ANKRD11: variants seen among roughly 807,000 people sequenced by gnomAD.
The protein encoded by ANKRD11 is ankyrin repeat domain-containing protein 11.
A neutral mutation model predicts 195.7 loss-of-function variants in ANKRD11; 17 were observed. That is an observed-to-expected ratio of 0.09 (90% CI 0.06 to 0.13). ANKRD11 has a LOEUF of 0.13. Ranked by LOEUF, ANKRD11 falls within the 10% of genes least tolerant of loss-of-function variation. The pLI is 1.00. For synonymous variants in ANKRD11, 1,953 were observed against 1,528.1 expected (o/e 1.28, Z -6.49); for missense variants, 3,735 against 3,566.1 (o/e 1.05, Z -1.21).
chr16:89,479,540 C>A (rs1385884596), intron 1 of ANKRD11, among the ~76,000 whole-genome samples: 3 of 151,968 alleles, frequency 2.0e-5, no homozygotes, highest in African/African-American at 7.3e-5. Context: ...GAGGCTGAGG[C>A]AAGAGAATCA....
At chr16:89,382,161 A>G (rs570398585) in intron 2 of ANKRD11, among the ~76,000 whole-genome samples, 50 of 152,036 alleles carry the variant, frequency 3.3e-4, no homozygotes, top group Non-Finnish European at 6.3e-4. Context: ...GTCTGCTCCC[A>G]CCCATCTCCT....
At position 89,284,269 on chromosome 16, in the gene ANKRD11, A is replaced by G. The variant is rs1332629691; in HGVS notation, c.2273T>C (p.Leu758Pro). ...LKEKSPKEEK[L>P]RLYKEERKKK... ...CTTTCTCTCCTCTTTGTACAGTCTCAGTTTTTCTTCTTTCGGAGACTTTTC... is the reference window on the plus strand; with the variant it reads ...CTTTCTCTCCTCTTTGTACAGTCTCGGTTTTTCTTCTTTCGGAGACTTTTC... The change falls in exon 9 of 13, where the codon CTG (leucine) becomes CCG (proline). Residue 758 changes from leucine to proline, a missense_variant. By Grantham distance (98) the Leu-to-Pro change is moderately conservative. Coordinates refer to ENST00000301030, the MANE Select transcript of ANKRD11 (RefSeq NM_013275.6). The G allele has an allele frequency of 1.2e-6, 2 of 1,613,368 alleles. No individual in the cohort carries two copies. Among genetic ancestry groups the G allele is most frequent in the African/African-American group, 2.7e-5 (2 of 74,792 alleles).
chr16:89,290,543 G>C (rs1423304090), intron 6 of ANKRD11, 82 bp downstream of exon 6: 4 of 1,415,160 alleles, frequency 2.8e-6, no homozygotes, highest in Admixed American at 3.5e-5. Context: ...GGGCTCCAAT[G>C]GGGGGAGGCT....
Position 89,280,935 on chromosome 16 carries a change from C to A in ANKRD11, c.5607G>T (p.Pro1869=). The change falls in exon 9 of 13, where the codon CCG becomes CCT. Residue 1869 remains proline, a synonymous_variant. Transcript: ENST00000301030. The part of the protein sequence containing the change: ...SPKVDALHCP[P]AAVVTVTPSP... ...ACGGGGTGACAGTGACAACGGCAGC[C>A]GGTGGGCAGTGCAAAGCGTCGACTT... 1 of 1,590,520 alleles carries A rather than the reference C, an allele frequency of 6.3e-7. No homozygotes were observed. Among genetic ancestry groups the A allele is most frequent in the Non-Finnish European group, 8.6e-7 (1 of 1,165,424 alleles).
chr16:89,422,264 G>C (rs1237524583), intron 1 of ANKRD11: 2 of 152,132 alleles, frequency 1.3e-5, no homozygotes, highest in African/African-American at 4.8e-5. Context: ...CAGTCAGTTA[G>C]GGTGGCACCA....
At chr16:89,454,391 C>T (rs2152320215) in intron 1 of ANKRD11, among the ~76,000 whole-genome samples, 1 of 152,312 alleles carries the variant, frequency 6.6e-6, no homozygotes, top group Admixed American at 6.5e-5. Context: ...ATCTTACATC[C>T]TTGACCTAGT....
At chr16:89,356,594 AC>A (rs2039483531) in intron 2 of ANKRD11, among the ~76,000 whole-genome samples, 1 of 139,450 alleles carries the variant, frequency 7.2e-6, no homozygotes, top group South Asian at 2.3e-4. Flanking sequence ...ACACAGTAAA[AC>A]CCCATCTCTA....
chr16:89,430,118 A>T (rs1215636875), intron 1 of ANKRD11, among the ~76,000 whole-genome samples: 34 of 93,656 alleles, frequency 3.6e-4, no homozygotes, highest in East Asian at 7.5e-4. Context: ...TCACGCTCAG[A>T]CGTTCTAGTA....
At chr16:89,313,412 G>T (rs1438520496) in intron 3 of ANKRD11, 1 of 1,288,976 alleles carries the variant, frequency 7.8e-7, no homozygotes, top group Non-Finnish European at 1.0e-6. Context: ...AATGGTGAGA[G>T]ACCGTCTGCA....
intron 3 of ANKRD11, among the ~76,000 whole-genome samples, chr16:89,305,579 C>T (rs140732458): frequency 2.6e-5 from 4 of 152,194 alleles, no homozygotes; most frequent in South Asian, 2.1e-4. Context: ...TCCTGCGCAC[C>T]GGAGGGACGC....
chr16:89,435,619 G>A (rs1380102035), intron 1 of ANKRD11, among the ~76,000 whole-genome samples: 5 of 151,958 alleles, frequency 3.3e-5, no homozygotes, highest in African/African-American at 9.7e-5. Flanking sequence ...GACACTCACC[G>A]CGAGGGTCCA....
rs1198412426 is a variant in ANKRD11 at position 89,280,609 on chromosome 16, T to C, written c.5933A>G (p.Asp1978Gly). 6.2e-7 allele frequency: 1 copy of C among 1,612,928 alleles called. No homozygotes were observed. The highest frequency in any genetic ancestry group is 8.5e-7 in the Non-Finnish European group (1 of 1,179,894). ...TCTCTGTGGAGACTTCAGCAGGAGG[T>C]CCGAGCCCACAGGCCAGCTCACAGG... ...ENPVSWPVGS[D>G]LLLKSPQRFP... The change falls in exon 9 of 13, where the codon GAC becomes GGC. Residue 1978 changes from aspartate (D) to glycine (G), a missense_variant. Physicochemically the swap from Asp to Gly is moderately conservative, Grantham distance 94 (BLOSUM62 -1). Coordinates refer to ENST00000301030, the MANE Select transcript of ANKRD11 (RefSeq NM_013275.6).
At chr16:89,371,592 C>A (rs2040195867) in intron 2 of ANKRD11, among the ~76,000 whole-genome samples, 1 of 152,166 alleles carries the variant, frequency 6.6e-6, no homozygotes, top group Admixed American at 6.5e-5. Context: ...GCGCCGCTCC[C>A]CACATTCAAG....
At chr16:89,481,450 A>G (rs1198687357) in intron 1 of ANKRD11, among the ~76,000 whole-genome samples, 1 of 152,174 alleles carries the variant, frequency 6.6e-6, no homozygotes. Context: ...CTAGCCACTC[A>G]TGACGTTGAC....
At chr16:89,405,079 T>C (rs2041852268) in intron 2 of ANKRD11, among the ~76,000 whole-genome samples, 1 of 151,482 alleles carries the variant, frequency 6.6e-6, no homozygotes, top group Non-Finnish European at 1.5e-5. Flanking sequence ...TCACACGCTC[T>C]CACAGGACAA....
chr16:89,406,023 T>A (rs953790183), intron 2 of ANKRD11, among the ~76,000 whole-genome samples: 1 of 145,218 alleles, frequency 6.9e-6, no homozygotes, highest in African/African-American at 2.6e-5. Flanking sequence ...GGTGGGAGAA[T>A]CACCTGAACC....
At chr16:89,478,492 A>G (rs1350199278) in intron 1 of ANKRD11, among the ~76,000 whole-genome samples, 3 of 152,222 alleles carry the variant, frequency 2.0e-5, no homozygotes, top group Non-Finnish European at 4.4e-5. Flanking sequence ...CTTTCCAAAG[A>G]GAATGGGTCT....
At chr16:89,366,493 A>AT (rs1317042168) in intron 2 of ANKRD11, among the ~76,000 whole-genome samples, 1 of 152,112 alleles carries the variant, frequency 6.6e-6, no homozygotes, top group Non-Finnish European at 1.5e-5. Context: ...AGCATCTGTT[A>AT]TTTTTTAACC....
intron 1 of ANKRD11, among the ~76,000 whole-genome samples, chr16:89,440,783 C>G (rs138601369): frequency 1.2e-4 from 19 of 152,338 alleles, no homozygotes; most frequent in Non-Finnish European, 2.6e-4. Context: ...AGGGGGCCAC[C>G]TGCCTCCAAG....
Sources: gnomAD v4.1 joint callset for allele counts (sites outside exome capture counted in the v4.1 genomes callset) on GRCh38, gnomAD v4.1.1 for gene constraint, MANE v1.5 for transcripts, NCBI Gene and HGNC (gene_info 2026-07-23, HGNC 2026-07-21) for gene names.